CR1L: variants seen among roughly 807,000 people sequenced by gnomAD.
The protein encoded by CR1L is complement component receptor 1-like protein.
A neutral mutation model predicts 62.3 loss-of-function variants in CR1L; 59 were observed. The observed-to-expected ratio is 0.95, with a 90% CI of 0.77 to 1.18. CR1L has a LOEUF of 1.18. Ranked by LOEUF, CR1L falls within the 50% of genes most tolerant of loss-of-function variation. The pLI, the probability that CR1L is intolerant of heterozygous loss-of-function variation, is 0.00. For missense variants in CR1L, 700 were observed against 702.8 expected (o/e 1.00, Z 0.04); for synonymous variants, 279 against 248.7 (o/e 1.12, Z -1.15).
intron 9 of CR1L, 110 bp downstream of exon 9, chr1:207,701,728 T>C: frequency 7.3e-7 from 1 of 1,373,430 alleles, no homozygotes; most frequent in East Asian, 2.3e-5. Flanking sequence ...CTTGAGAGGT[T>C]TGAACACAGG....
intron 10 of CR1L, among the ~76,000 whole-genome samples, chr1:207,717,029 G>A (rs559842374): frequency 6.6e-6 from 1 of 152,226 alleles, no homozygotes; most frequent in East Asian, 1.9e-4. Flanking sequence ...CATTTACATT[G>A]CTAAAGATGA....
intron 4 of CR1L, among the ~76,000 whole-genome samples, chr1:207,691,056 C>T (rs1663988218): frequency 6.6e-6 from 1 of 152,230 alleles, no homozygotes; most frequent in African/African-American, 2.4e-5. Flanking sequence ...AGTGGTTATT[C>T]AACCCATTAC....
chr1:207,695,522 C>T (rs1005197248), intron 5 of CR1L, among the ~76,000 whole-genome samples: 18 of 152,114 alleles, frequency 1.2e-4, no homozygotes, highest in African/African-American at 4.1e-4. Flanking sequence ...CAAGTCCACC[C>T]GACTCCAGAG....
At chr1:207,654,653 C>T (rs1355872257) in intron 1 of CR1L, among the ~76,000 whole-genome samples, 2 of 152,144 alleles carry the variant, frequency 1.3e-5, no homozygotes, top group South Asian at 2.1e-4. Flanking sequence ...AGCTAAAACT[C>T]GTGTAGCACT....
At chr1:207,695,101 G>A (rs1019116890) in intron 5 of CR1L, among the ~76,000 whole-genome samples, 4 of 152,034 alleles carry the variant, frequency 2.6e-5, no homozygotes, top group Non-Finnish European at 4.4e-5. Context: ...AAAGTTATTA[G>A]GTAGTTACCA....
At chr1:207,656,975 T>A in intron 1 of CR1L, 1 of 494,362 alleles carries the variant, frequency 2.0e-6, no homozygotes, top group East Asian at 3.3e-5. Flanking sequence ...ATGATATATT[T>A]GCTCATAGAA....
chr1:207,652,728 C>T, intron 1 of CR1L: 1 of 827,754 alleles, frequency 1.2e-6, no homozygotes, highest in Non-Finnish European at 2.1e-6. Flanking sequence ...CAGATGAGCC[C>T]TGTTATAGTA....
intron 1 of CR1L, among the ~76,000 whole-genome samples, chr1:207,651,001 G>C (rs906466954): frequency 1.3e-5 from 2 of 152,152 alleles, no homozygotes; most frequent in East Asian, 1.9e-4. Context: ...TAGCCAGGAT[G>C]GTCTCTATCT....
chr1:207,677,465 G>C lies in CR1L; in HGVS notation c.174G>C (p.Gly58=). The C allele has an allele frequency of 1.2e-6, 2 of 1,613,916 alleles. No homozygotes were observed. The highest frequency in any genetic ancestry group is 1.7e-6 in the Non-Finnish European group (2 of 1,179,878). ...CTGATGACTTTGAGTTTCCCATTGG[G>C]ACATATCTGAACTATGAATGCCGCC... ...NLTDDFEFPI[G]TYLNYECRPG... Residue 58 remains glycine, a synonymous_variant, in exon 2 of 12, where the codon GGG becomes GGC. Coordinates refer to ENST00000508064, the MANE Select transcript of CR1L (RefSeq NM_175710.2).
At chr1:207,706,527 T>C (rs1664270690) in intron 9 of CR1L, among the ~76,000 whole-genome samples, 5 of 152,136 alleles carry the variant, frequency 3.3e-5, no homozygotes, top group Admixed American at 3.3e-4. Context: ...TAGCCATCAC[T>C]AGGGAAATTT....
intron 3 of CR1L, among the ~76,000 whole-genome samples, chr1:207,680,260 C>G (rs1242051316): frequency 6.6e-6 from 1 of 152,104 alleles, no homozygotes. Context: ...TGCTGTGAAC[C>G]AAAAACTTGT....
Position 207,723,700 on chromosome 1 carries a change from T to C in CR1L, c.*15T>C. 1.3e-6 allele frequency: 2 copies of C among 1,499,700 alleles called. No homozygotes were observed. Among genetic ancestry groups the C allele is most frequent in the Non-Finnish European group, 1.8e-6 (2 of 1,091,124 alleles). The allele number at this position is 1,499,700 out of a possible 1,614,324, so 92.9% of individuals were successfully genotyped here. The stretch of plus-strand genomic sequence containing the variant: ...GTCATCTTTAACAGTAAGTACCTAC[T>C]TATAATGAATGCAATGTAGAAAGAG... On this transcript the variant is annotated 3_prime_UTR_variant, in exon 12 of 12. Transcript: ENST00000508064.
At chr1:207,685,506 C>T (rs1353972561) in intron 4 of CR1L, among the ~76,000 whole-genome samples, 2 of 152,152 alleles carry the variant, frequency 1.3e-5, no homozygotes, top group South Asian at 4.1e-4. Context: ...ATCAATTAGC[C>T]CAATAACAAT....
chr1:207,723,405 CAG>C (rs901428408), intron 11 of CR1L, among the ~76,000 whole-genome samples: 15 of 136,710 alleles, frequency 1.1e-4, no homozygotes, highest in African/African-American at 3.9e-4. Flanking sequence ...AGCCTGGCGA[CAG>C]AGTGAGACTT....
At chr1:207,674,692 C>T (rs1349861422) in intron 1 of CR1L, among the ~76,000 whole-genome samples, 1 of 152,166 alleles carries the variant, frequency 6.6e-6, no homozygotes, top group Admixed American at 6.5e-5. Context: ...TTTGTTGTGA[C>T]GTTTACCCTC....
intron 4 of CR1L, among the ~76,000 whole-genome samples, chr1:207,686,134 C>CCCTT (rs1174390747): frequency 4.4e-3 from 40 of 9,152 alleles, no homozygotes; most frequent in Admixed American, 6.1e-3. Context: ...CTTCCTCCCT[C>CCCTT]CCTTCCTTCC....
Position 207,645,149 on chromosome 1 carries a change from G to A in CR1L, c.-85G>A, listed in dbSNP as rs1408816444. 3.0e-6 allele frequency: 4 copies of A among 1,341,418 alleles called. No individual in the cohort carries two copies. In the African/African-American group the frequency reaches 4.3e-5, roughly 14 times the overall value. 83.1% of individuals were successfully genotyped at this position (1,341,418 alleles called of 1,614,324 possible). On this transcript the variant is annotated 5_prime_UTR_variant, in exon 1 of 12. Coordinates refer to ENST00000508064, the MANE Select transcript of CR1L (RefSeq NM_175710.2). ...TTGGGGATTGTTGTGTCCACTAACC[G>A]GACTCAGAAGGGACTTCCCTGCTCG...
intron 10 of CR1L, among the ~76,000 whole-genome samples, chr1:207,716,562 C>G (rs1484469153): frequency 1.3e-5 from 2 of 151,818 alleles, no homozygotes; most frequent in Non-Finnish European, 2.9e-5. Flanking sequence ...AAATAACTTA[C>G]AGAAATCAAT....
intron 3 of CR1L, among the ~76,000 whole-genome samples, chr1:207,682,060 G>C (rs1459006050): frequency 6.6e-6 from 1 of 152,034 alleles, no homozygotes; most frequent in Non-Finnish European, 1.5e-5. Flanking sequence ...ACCGGTTGAC[G>C]GGTGCAGCAA....
Sources: allele counts gnomAD v4.1 joint callset (sites outside exome capture counted in the v4.1 genomes callset), GRCh38; gene constraint gnomAD v4.1.1; transcripts MANE v1.5; gene names NCBI Gene and HGNC (gene_info 2026-07-23, HGNC 2026-07-21).